The following PTPRN2 variants were observed in gnomAD, a reference collection of about 807,000 sequenced individuals.
PTPRN2 encodes receptor-type tyrosine-protein phosphatase N2.
PTPRN2 carries 74 observed loss-of-function variants against 118.8 expected under a neutral mutation model. The ratio of observed to expected loss-of-function variants is 0.62; its 90% CI spans 0.52 to 0.76. The LOEUF (loss-of-function observed/expected upper bound fraction) is 0.76, where lower values mean the gene tolerates loss of function less well. Ranked by LOEUF, PTPRN2 falls within the 30% of genes least tolerant of loss-of-function variation. The pLI is 0.00. For synonymous variants in PTPRN2, 641 were observed against 608.0 expected, an observed-to-expected ratio of 1.05 and a Z score of -0.80; for missense variants, 1,481 against 1,394.4, an observed-to-expected ratio of 1.06 and a Z score of -0.99.
At chr7:158,073,511 A>G (rs1444387301) in intron 11 of PTPRN2, among the ~76,000 whole-genome samples, 1 of 152,210 alleles carries the variant, frequency 6.6e-6, no homozygotes, top group Non-Finnish European at 1.5e-5. Context: ...TGCCCTGCAG[A>G]ACACAGCCCT....
chr7:158,242,654 T>G (rs1795967022), intron 3 of PTPRN2, among the ~76,000 whole-genome samples: 1 of 152,210 alleles, frequency 6.6e-6, no homozygotes, highest in Non-Finnish European at 1.5e-5. Context: ...AATGAAAACA[T>G]CCGTTCGTGG....
chr7:158,507,834 C>T (rs184080417), intron 1 of PTPRN2, among the ~76,000 whole-genome samples: 10 of 146,578 alleles, frequency 6.8e-5, no homozygotes, highest in African/African-American at 1.0e-4. Context: ...ACCGCATGCA[C>T]GGAGGTCAGT....
At chr7:157,561,948 CCA>C (rs1220819527) in intron 21 of PTPRN2, among the ~76,000 whole-genome samples, 2 of 152,220 alleles carry the variant, frequency 1.3e-5, no homozygotes, top group Non-Finnish European at 2.9e-5. Context: ...TCAGCTGGAG[CCA>C]CACTTTCACG....
intron 2 of PTPRN2, among the ~76,000 whole-genome samples, chr7:158,407,326 C>CGTCCTGG (rs1813625198): frequency 2.6e-5 from 1 of 38,888 alleles, no homozygotes; most frequent in Non-Finnish European, 5.1e-5. Flanking sequence ...CTGGGTCCTG[C>CGTCCTGG]GTCCTGGGTC....
At chr7:158,071,440 TG>T (rs1811608591) in intron 11 of PTPRN2, among the ~76,000 whole-genome samples, 8 of 101,720 alleles carry the variant, frequency 7.9e-5, no homozygotes, top group African/African-American at 3.1e-4. Flanking sequence ...CTCGTGGTGG[TG>T]GAGGTGCTCG....
chr7:157,936,313 C>T (rs72621122), intron 11 of PTPRN2, among the ~76,000 whole-genome samples: 47,673 of 152,054 alleles, frequency 0.31, 9,246 homozygotes, highest in African/African-American at 0.53. Context: ...GAGATGCTAT[C>T]GATTATGGGC....
chr7:158,308,330 T>A (rs1471968599), intron 3 of PTPRN2, among the ~76,000 whole-genome samples: 2 of 152,096 alleles, frequency 1.3e-5, no homozygotes, highest in Non-Finnish European at 2.9e-5. Flanking sequence ...CAACAACCCT[T>A]CCCTAGCAAG....
intron 5 of PTPRN2, among the ~76,000 whole-genome samples, chr7:158,184,431 T>C (rs1390297583): frequency 1.3e-5 from 2 of 152,268 alleles, no homozygotes; most frequent in Non-Finnish European, 2.9e-5. Flanking sequence ...AATTTTTGTG[T>C]GCTGACTTTG....
rs1810920141 is a variant in PTPRN2 at position 157,869,486 on chromosome 7, C to T, written c.1788+29187G>A. On this transcript the variant is annotated intron_variant, in intron 12 of 22. Transcript: ENST00000389418. This position sits in a 1 kb window ranked among gnomAD's most constrained non-coding sequence, Gnocchi z 4.2. ...ACTTTATTTCTCAACATAATCTCCA[C>T]CAGGGCCAAGACACTTTTGCAAGGG... 1.3e-5 allele frequency among the ~76,000 whole-genome samples: 2 copies of T among 152,182 alleles called. No homozygotes were observed.
Position 158,517,904 on chromosome 7 carries a change from C to A in PTPRN2, c.113-28119G>T, listed in dbSNP as rs141744984. Among the ~76,000 whole-genome samples, 9 of 152,208 alleles carry A rather than the reference C, an allele frequency of 5.9e-5. No homozygotes were observed. In the South Asian group the frequency reaches 8.3e-4, roughly 14 times the overall value. On this transcript the variant is annotated intron_variant, in intron 1 of 22. Coordinates refer to ENST00000389418, the MANE Select transcript of PTPRN2 (RefSeq NM_002847.5). The surrounding 1 kb of genome is among the most constrained non-coding windows in gnomAD (Gnocchi z 5.3). ...CTGCAGAAAAACCTTCCCTCCCCCCCAGTCTGACTAGAGTCCACTCATTTT... is the reference window on the plus strand; with the variant it reads ...CTGCAGAAAAACCTTCCCTCCCCCCAAGTCTGACTAGAGTCCACTCATTTT...
intron 14 of PTPRN2, among the ~76,000 whole-genome samples, chr7:157,641,009 G>A (rs2150693492): frequency 6.6e-6 from 1 of 152,324 alleles, no homozygotes; most frequent in East Asian, 1.9e-4. Flanking sequence ...CTGAACAAAT[G>A]CTGACTATGA....
At chr7:158,067,428 T>C (rs1391153532) in intron 11 of PTPRN2, among the ~76,000 whole-genome samples, 1 of 152,104 alleles carries the variant, frequency 6.6e-6, no homozygotes, top group African/African-American at 2.4e-5. Context: ...TCCAGTGCCA[T>C]TGAGGTCCCT....
chr7:157,670,865 C>T (rs1218850910), intron 13 of PTPRN2, among the ~76,000 whole-genome samples: 3 of 152,344 alleles, frequency 2.0e-5, no homozygotes, highest in Admixed American at 2.0e-4. Context: ...AGTCATCCGC[C>T]TTCAGAGCAG....
chr7:158,166,625 C>A (rs557854051), intron 6 of PTPRN2, among the ~76,000 whole-genome samples: 1 of 151,876 alleles, frequency 6.6e-6, no homozygotes, highest in African/African-American at 2.4e-5. Flanking sequence ...TCCCACTGGC[C>A]GCTGTGTTCA....
At chr7:157,821,169 T>C (rs1806814956) in intron 12 of PTPRN2, among the ~76,000 whole-genome samples, 1 of 152,216 alleles carries the variant, frequency 6.6e-6, no homozygotes, top group Non-Finnish European at 1.5e-5. Context: ...CTGCTGAATG[T>C]AGGTGGAAGA....
Position 158,269,984 on chromosome 7 carries a change from A to G in PTPRN2, c.277+46835T>C, listed in dbSNP as rs188442793. Among the ~76,000 whole-genome samples the G allele has an allele frequency of 1.1e-4, 16 of 152,358 alleles. No homozygotes were observed. The East Asian group carries it at 2.9e-3, about 28-fold the overall frequency. On this transcript the variant is annotated intron_variant, in intron 3 of 22. Transcript: ENST00000389418. Reference sequence around the variant, plus strand: ...AAGAATCAGAGACAGAGATAGCCAGAGAACAGCAGAGACAGAGTCCCAGCA... The same window carrying G: ...AAGAATCAGAGACAGAGATAGCCAGGGAACAGCAGAGACAGAGTCCCAGCA...
At chr7:157,854,443 C>T (rs1809531587) in intron 12 of PTPRN2, 1 of 152,394 alleles carries the variant, frequency 6.6e-6, no homozygotes, top group South Asian at 2.1e-4. Flanking sequence ...GTCAGAGAGG[C>T]CCAGGGTTGA....
intron 1 of PTPRN2, chr7:158,541,570 C>T (rs1365010043): frequency 2.5e-5 from 34 of 1,351,962 alleles, no homozygotes; most frequent in Admixed American, 7.6e-5. Flanking sequence ...AAGCTGGCTT[C>T]GGTTCTCAGC....
intron 20 of PTPRN2, among the ~76,000 whole-genome samples, chr7:157,570,764 C>G (rs1191084133): frequency 6.6e-6 from 1 of 152,214 alleles, no homozygotes; most frequent in Non-Finnish European, 1.5e-5. Context: ...CCAAGCATTT[C>G]TCACCATCTG....
Sources: allele counts gnomAD v4.1 joint callset (sites outside exome capture counted in the v4.1 genomes callset), GRCh38; gene constraint gnomAD v4.1.1; non-coding constraint Gnocchi (gnomAD v3.1); transcripts MANE v1.5; gene names NCBI Gene and HGNC (gene_info 2026-07-23, HGNC 2026-07-21).